Variants in LPA observed in about 807,000 individuals in gnomAD.
LPA encodes the protein apolipoprotein(a).
In LPA, 199 loss-of-function variants were observed where a neutral mutation model predicts 197.9. The observed-to-expected ratio is 1.01, with a 90% CI of 0.90 to 1.13. LPA has a LOEUF of 1.13. LPA is among the 50% of genes most tolerant of loss of function. The pLI, the probability that LPA is intolerant of heterozygous loss-of-function variation, is 0.00. For missense variants in LPA, 1,853 were observed against 1,785.8 expected (o/e 1.04, Z -0.68); for synonymous variants, 715 against 639.5 (o/e 1.12, Z -1.78).
chr6:160,660,535 CT>C (rs1332595449), intron 1 of LPA, among the ~76,000 whole-genome samples: 6 of 152,310 alleles, frequency 3.9e-5, no homozygotes, highest in Non-Finnish European at 8.8e-5. Context: ...TCAGTGGCAA[CT>C]GTGTTGCCAA....
chr6:160,552,798 C>T (rs1322934342), intron 30 of LPA, among the ~76,000 whole-genome samples: 1 of 152,120 alleles, frequency 6.6e-6, no homozygotes, highest in Non-Finnish European at 1.5e-5. Flanking sequence ...ACAATCTCTG[C>T]CTTTTATTTG....
intron 16 of LPA, among the ~76,000 whole-genome samples, chr6:160,607,503 C>T (rs1334026363): frequency 1.3e-5 from 2 of 152,088 alleles, no homozygotes; most frequent in Non-Finnish European, 2.9e-5. Flanking sequence ...CTGAAGAGGT[C>T]GGACAGCTAC....
chr6:160,575,859 G>A (rs1778645256), intron 28 of LPA, among the ~76,000 whole-genome samples: 3 of 152,076 alleles, frequency 2.0e-5, no homozygotes, highest in South Asian at 4.1e-4. Context: ...TGACTTCTAG[G>A]TACATGACTG....
intron 32 of LPA, 133 bp downstream of exon 32, chr6:160,547,656 C>T: frequency 8.2e-7 from 1 of 1,223,506 alleles, no homozygotes. Context: ...CTGGCCTGTG[C>T]TGCTTGCACT....
At chr6:160,565,358 G>T (rs1045920055) in intron 28 of LPA, among the ~76,000 whole-genome samples, 3 of 152,184 alleles carry the variant, frequency 2.0e-5, no homozygotes, top group African/African-American at 7.2e-5. Flanking sequence ...AACATTTGCT[G>T]TTCTGTAATA....
rs1370612129 is a variant in LPA, at chr6:160,545,447, A to C, written c.5391T>G (p.Pro1797=). The C allele has an allele frequency of 1.3e-6, 2 of 1,598,506 alleles. No individual in the cohort carries two copies. Among genetic ancestry groups the C allele is most frequent in the African/African-American group, 2.7e-5 (2 of 74,478 alleles). The change falls in exon 33 of 39, where the codon CCT becomes CCG. Residue 1797 remains proline (P), a synonymous_variant. Coordinates refer to ENST00000316300, the MANE Select transcript of LPA (RefSeq NM_005577.4). ...PRKLFDYCDI[P]LCASSSFDCG... The stretch of plus-strand genomic sequence containing the variant: ...AAACAGAAGGCAACTTACCACAGAG[A>C]GGGATATCACAGTAGTCAAAAAGTT...
At chr6:160,647,741 T>C (rs1039142681) in intron 2 of LPA, among the ~76,000 whole-genome samples, 1 of 152,224 alleles carries the variant, frequency 6.6e-6, no homozygotes, top group Non-Finnish European at 1.5e-5. Flanking sequence ...ACACTTCCAA[T>C]TAATCCCTAC....
rs1387478639 is a variant in LPA at position 160,648,747 on chromosome 6, C to T, written c.209+1591G>A. ...ATTTAAGACATATCTCTTAGTAGTT[C>T]TTCGATTTGGCTCTTTATACTCTTA... On this transcript the variant is annotated intron_variant, in intron 2 of 38. Coordinates refer to ENST00000316300, the MANE Select transcript of LPA (RefSeq NM_005577.4). Among the ~76,000 whole-genome samples, 8 of 152,108 alleles carry T rather than the reference C, an allele frequency of 5.3e-5. No homozygotes were observed. The East Asian group carries it at 1.4e-3, about 26-fold the overall frequency.
intron 28 of LPA, among the ~76,000 whole-genome samples, chr6:160,571,613 C>T (rs1007617223): frequency 6.6e-6 from 1 of 152,186 alleles, no homozygotes; most frequent in Non-Finnish European, 1.5e-5. Context: ...GCTACAATGG[C>T]TTTGCCAAGC....
In LPA at chr6:160,606,559, T is replaced by A. The variant is rs375411703; in HGVS notation, c.2703A>T (p.Thr901=). Residue 901 remains threonine (T), a synonymous_variant, in exon 17 of 39, where the codon ACA becomes ACT. Coordinates refer to ENST00000316300, the MANE Select transcript of LPA (RefSeq NM_005577.4). The part of the protein sequence containing the change: ...PSVRWEYCNL[T]QCSDAEGTAV... Reference sequence around the variant, plus strand: ...CAGTCCCTTCTGCGTCTGAGCATTGTGTCAGGTTGCAGTACTCCCACCTGA... The same window carrying A: ...CAGTCCCTTCTGCGTCTGAGCATTGAGTCAGGTTGCAGTACTCCCACCTGA... 1 of 1,613,824 alleles carries A rather than the reference T, an allele frequency of 6.2e-7. No homozygotes were observed. Among genetic ancestry groups the A allele is most frequent in the South Asian group, 1.1e-5 (1 of 91,060 alleles).
At chr6:160,653,915 C>G (rs1443478610) in intron 1 of LPA, among the ~76,000 whole-genome samples, 15 of 53,284 alleles carry the variant, frequency 2.8e-4, no homozygotes, top group Non-Finnish European at 4.7e-4. Flanking sequence ...TCTAGAGGGA[C>G]AGAACTAATA....
chr6:160,559,509 T>C (rs948868932), intron 28 of LPA, among the ~76,000 whole-genome samples: 4 of 152,232 alleles, frequency 2.6e-5, no homozygotes, highest in Admixed American at 2.6e-4. Flanking sequence ...TACTTTTTCA[T>C]TTCCTTGGGA....
At chr6:160,542,912 G>T (rs1431258616) in intron 33 of LPA, 104 bp from the exon 34 acceptor site, 2 of 1,502,464 alleles carry the variant, frequency 1.3e-6, no homozygotes, top group African/African-American at 1.4e-5. Context: ...CATCTCAAAG[G>T]TGAAATTAAA....
At chr6:160,568,522 C>A (rs566936881) in intron 28 of LPA, among the ~76,000 whole-genome samples, 1 of 152,270 alleles carries the variant, frequency 6.6e-6, no homozygotes, top group East Asian at 1.9e-4. Context: ...AAACCCATAG[C>A]CAATATCATA....
At chr6:160,604,952 A>C in intron 18 of LPA, 94 bp downstream of exon 18, 1 of 1,565,850 alleles carries the variant, frequency 6.4e-7, no homozygotes, top group South Asian at 1.1e-5. Context: ...ATCTGAGACA[A>C]CTTGAGTCCT....
chr6:160,532,475 G>A, intron 38 of LPA, 56 bp downstream of exon 38: 1 of 1,385,022 alleles, frequency 7.2e-7, no homozygotes, highest in Non-Finnish European at 1.0e-6. Flanking sequence ...TGACGTCTAA[G>A]GGACTGAGAC....
At chr6:160,535,075 G>A (rs1392757227) in intron 37 of LPA, among the ~76,000 whole-genome samples, 4 of 142,966 alleles carry the variant, frequency 2.8e-5, no homozygotes, top group Non-Finnish European at 4.6e-5. Context: ...TGGTTACAGT[G>A]ATCATTGTGA....
chr6:160,578,454 T>C, intron 27 of LPA, 69 bp downstream of exon 27: 1 of 1,583,796 alleles, frequency 6.3e-7, no homozygotes, highest in Non-Finnish European at 8.7e-7. Flanking sequence ...CACTGAAGGC[T>C]TCTGCATCAG....
intron 30 of LPA, among the ~76,000 whole-genome samples, chr6:160,549,615 A>C (rs1288498494): frequency 2.6e-5 from 4 of 152,238 alleles, no homozygotes; most frequent in Non-Finnish European, 5.9e-5. Context: ...AGTGAAAAAC[A>C]ACCATGAAAA....
Sources: gnomAD v4.1 joint callset for allele counts (sites outside exome capture counted in the v4.1 genomes callset) on GRCh38, gnomAD v4.1.1 for gene constraint, MANE v1.5 for transcripts, NCBI Gene and HGNC (gene_info 2026-07-23, HGNC 2026-07-21) for gene names.